The following EHBP1 variants were observed in gnomAD, a reference collection of about 807,000 sequenced individuals.
EHBP1 encodes EH domain binding protein 1, also known as EH domain-binding protein 1.
Under a neutral mutation model 144.0 loss-of-function variants are expected in EHBP1, and 55 were observed. The observed-to-expected ratio is 0.38, with a 90% CI of 0.31 to 0.48. The LOEUF is 0.48. Among genes scored for constraint, EHBP1 ranks in the 20% least tolerant of loss-of-function variants. The pLI, the probability that EHBP1 is intolerant of heterozygous loss-of-function variation, is 0.98. For missense variants in EHBP1, 1,200 were observed against 1,364.2 expected, an observed-to-expected ratio of 0.88 and a Z score of 1.90; for synonymous variants, 469 against 472.7, an observed-to-expected ratio of 0.99 and a Z score of 0.10.
chr2:62,766,076 A>G (rs2152329618), intron 4 of EHBP1, among the ~76,000 whole-genome samples: 1 of 152,292 alleles, frequency 6.6e-6, no homozygotes, highest in South Asian at 2.1e-4. Context: ...ATGTGAATTT[A>G]CTCATAAAAA....
At chr2:62,875,354 GA>G (rs1001217272) in intron 10 of EHBP1, among the ~76,000 whole-genome samples, 5 of 152,224 alleles carry the variant, frequency 3.3e-5, no homozygotes, top group African/African-American at 9.6e-5. Flanking sequence ...CTGTGGGTTA[GA>G]GCATGCAGCC....
chr2:62,769,795 TAAA>T (rs70962794), intron 4 of EHBP1, among the ~76,000 whole-genome samples: 1 of 73,876 alleles, frequency 1.4e-5, no homozygotes. Context: ...ATGGTACTGG[TAAA>T]AAAAAAAAAA....
At chr2:62,865,298 C>A (rs2049952217) in intron 9 of EHBP1, among the ~76,000 whole-genome samples, 1 of 152,066 alleles carries the variant, frequency 6.6e-6, no homozygotes. Flanking sequence ...ACTCTGTAGA[C>A]ATTAAACTTC....
At chr2:62,855,982 C>T (rs2049021843) in intron 7 of EHBP1, among the ~76,000 whole-genome samples, 1 of 152,102 alleles carries the variant, frequency 6.6e-6, no homozygotes, top group African/African-American at 2.4e-5. Flanking sequence ...TCCAGGGTCT[C>T]CTCCCTGCTA....
intron 1 of EHBP1, among the ~76,000 whole-genome samples, chr2:62,675,658 A>G (rs561960996): frequency 1.3e-5 from 2 of 152,332 alleles, no homozygotes; most frequent in South Asian, 4.1e-4. Context: ...AAAATTTTCA[A>G]TGCTGCAAAA....
intron 4 of EHBP1, among the ~76,000 whole-genome samples, chr2:62,768,573 A>C (rs1489165907): frequency 1.3e-5 from 2 of 152,222 alleles, no homozygotes; most frequent in East Asian, 1.9e-4. Context: ...TTCACAGCCA[A>C]ATTCTACCAG....
intron 19 of EHBP1, among the ~76,000 whole-genome samples, chr2:63,016,888 A>G (rs1440664390): frequency 2.6e-5 from 4 of 152,182 alleles, no homozygotes; most frequent in Non-Finnish European, 5.9e-5. Flanking sequence ...CATTGCTCCT[A>G]TGCTCCTGTC....
intron 11 of EHBP1, among the ~76,000 whole-genome samples, 189 bp downstream of exon 11, chr2:62,943,085 T>C (rs2056857262): frequency 1.3e-5 from 2 of 152,188 alleles, no homozygotes; most frequent in Admixed American, 6.5e-5. Flanking sequence ...TTTCTCTTTT[T>C]AAAAGTGGTG....
Position 63,045,267 on chromosome 2 carries a change from G to C in EHBP1, c.3392+87G>C. 7.0e-7 allele frequency: 1 copy of C among 1,426,300 alleles called. No individual in the cohort carries two copies. Among genetic ancestry groups the C allele is most frequent in the East Asian group, 2.5e-5 (1 of 40,444 alleles). The allele number at this position is 1,426,300 out of a possible 1,614,324, so 88.4% of individuals were successfully genotyped here. A position where few individuals can be genotyped will look rare whatever the true frequency, so the allele number is the denominator to read the frequency against. On this transcript the variant is annotated intron_variant, in intron 22 of 22. Transcript: ENST00000431489. This position sits in a 1 kb window ranked among gnomAD's most constrained non-coding sequence, Gnocchi z 5.7. The stretch of plus-strand genomic sequence containing the variant: ...GGAAAGTTCAATCCAGAGGTCGCGG[G>C]AGGGCCGGGGCAGCCTCCCACTGGC...
intron 2 of EHBP1, among the ~76,000 whole-genome samples, chr2:62,739,819 C>T (rs891834693): frequency 3.3e-5 from 5 of 151,530 alleles, no homozygotes; most frequent in Non-Finnish European, 7.4e-5. Context: ...GCCTGTAGTC[C>T]TAGCTACTCA....
At chr2:62,815,360 G>A (rs1306136962) in intron 5 of EHBP1, among the ~76,000 whole-genome samples, 1 of 152,118 alleles carries the variant, frequency 6.6e-6, no homozygotes, top group Non-Finnish European at 1.5e-5. Flanking sequence ...TTTATAACCA[G>A]GAGCTAGCCC....
At chr2:62,716,163 G>C (rs2035656260) in intron 2 of EHBP1, among the ~76,000 whole-genome samples, 1 of 151,582 alleles carries the variant, frequency 6.6e-6, no homozygotes, top group African/African-American at 2.4e-5. Flanking sequence ...TCTACTTCCA[G>C]AATTTTCTGC....
At chr2:62,943,016 C>T in intron 11 of EHBP1, 120 bp downstream of exon 11, 2 of 742,152 alleles carry the variant, frequency 2.7e-6, no homozygotes, top group South Asian at 5.0e-5. Context: ...TACCCCACCT[C>T]TTGCTTTTGA....
chr2:62,766,799 T>C (rs2041224677), intron 4 of EHBP1, among the ~76,000 whole-genome samples: 1 of 152,116 alleles, frequency 6.6e-6, no homozygotes, highest in South Asian at 2.1e-4. Context: ...AAATCATTTA[T>C]TTCATTCATC....
At chr2:62,708,794 C>T (rs940228694) in intron 2 of EHBP1, among the ~76,000 whole-genome samples, 2 of 152,110 alleles carry the variant, frequency 1.3e-5, no homozygotes, top group African/African-American at 4.8e-5. Flanking sequence ...AAAAGACATT[C>T]TAGACTGAAG....
At chr2:62,851,896 G>T (rs2048715635) in intron 7 of EHBP1, among the ~76,000 whole-genome samples, 1 of 152,098 alleles carries the variant, frequency 6.6e-6, no homozygotes, top group Non-Finnish European at 1.5e-5. Context: ...AAATTACTTT[G>T]AATTAGTTAA....
At chr2:63,005,699 C>G (rs1471625351) in intron 19 of EHBP1, among the ~76,000 whole-genome samples, 3 of 152,020 alleles carry the variant, frequency 2.0e-5, no homozygotes, top group Admixed American at 1.3e-4. Flanking sequence ...TATTGTAGTT[C>G]TTTGCTATTT....
intron 1 of EHBP1, among the ~76,000 whole-genome samples, chr2:62,696,322 C>T (rs757327201): frequency 6.6e-6 from 1 of 151,862 alleles, no homozygotes; most frequent in Non-Finnish European, 1.5e-5. Flanking sequence ...AGGCGCTCAC[C>T]ACCACACCTG....
intron 14 of EHBP1, among the ~76,000 whole-genome samples, chr2:62,962,848 A>T (rs1257826813): frequency 2.6e-5 from 4 of 152,250 alleles, no homozygotes; most frequent in Admixed American, 6.5e-5. Flanking sequence ...CGTTTTAGAA[A>T]GAACTATCAG....
Sources: gnomAD v4.1 joint callset for allele counts (sites outside exome capture counted in the v4.1 genomes callset) on GRCh38, gnomAD v4.1.1 for gene constraint, Gnocchi (gnomAD v3.1) non-coding constraint, MANE v1.5 for transcripts, NCBI Gene and HGNC (gene_info 2026-07-23, HGNC 2026-07-21) for gene names.